Variants in SRGAP2 observed in about 807,000 individuals in gnomAD.
SRGAP2 encodes SLIT-ROBO Rho GTPase-activating protein 2.
SRGAP2 carries 15 observed loss-of-function variants against 57.2 expected under a neutral mutation model. The ratio of observed to expected loss-of-function variants is 0.26; its 90% CI spans 0.18 to 0.40. The LOEUF (loss-of-function observed/expected upper bound fraction) is 0.40. Ranked by LOEUF, SRGAP2 falls within the 10% of genes least tolerant of loss-of-function variation. The pLI is 1.00. For synonymous variants in SRGAP2, 249 were observed against 248.0 expected (o/e 1.00, Z -0.04); for missense variants, 520 against 669.6 (o/e 0.78, Z 2.47).
intron 4 of SRGAP2, among the ~76,000 whole-genome samples, chr1:206,383,666 T>A (rs1655918415): frequency 6.7e-6 from 1 of 148,830 alleles, no homozygotes; most frequent in Non-Finnish European, 1.5e-5. Context: ...AATGCTTGAC[T>A]GCAAGTATCT....
chr1:206,374,019 CTTTTTTTT>C (rs56021600), intron 4 of SRGAP2, among the ~76,000 whole-genome samples: 2 of 77,012 alleles, frequency 2.6e-5, no homozygotes. Context: ...GATACACATT[CTTTTTTTT>C]TTTTTTTTTT....
chr1:206,342,204 C>A (rs1185531818), intron 3 of SRGAP2, among the ~76,000 whole-genome samples: 1 of 151,960 alleles, frequency 6.6e-6, no homozygotes, highest in African/African-American at 2.4e-5. Flanking sequence ...GCATATGTCT[C>A]CAAATTTGCC....
chr1:206,459,915 C>T (rs1177029116), intron 22 of SRGAP2, among the ~76,000 whole-genome samples: 9 of 152,160 alleles, frequency 5.9e-5, no homozygotes, highest in Non-Finnish European at 7.3e-5. Flanking sequence ...ATCTGCCTTG[C>T]GCTACGGGAA....
chr1:206,426,530 T>C (rs994379842), intron 13 of SRGAP2, among the ~76,000 whole-genome samples: 1 of 152,226 alleles, frequency 6.6e-6, no homozygotes. Context: ...AGATCTACTT[T>C]TAGTTTCTTG....
At chr1:206,301,195 C>T (rs1444792160) in intron 2 of SRGAP2, among the ~76,000 whole-genome samples, 48 of 152,086 alleles carry the variant, frequency 3.2e-4, no homozygotes, top group Admixed American at 5.2e-4. Context: ...CCATGCCTGG[C>T]TAATTTTTTT....
Position 206,462,968 on chromosome 1 carries a change from C to T in SRGAP2, c.*1548C>T, listed in dbSNP as rs1343822950. On this transcript the variant is annotated 3_prime_UTR_variant, in exon 23 of 23. Transcript: ENST00000573034. ...TAAAGCTGAAACTCATCCTTCTTCT[C>T]TGTGTTTTCTGGTTTAAAAGCTGCA... 6.6e-6 allele frequency: 1 copy of T among 152,174 alleles called. No homozygotes were observed. The highest frequency in any genetic ancestry group is 2.4e-5 in the African/African-American group (1 of 41,428). 9.4% of individuals were successfully genotyped at this position (152,174 alleles called of 1,614,324 possible).
chr1:206,346,736 G>A (rs1257420222), intron 4 of SRGAP2, among the ~76,000 whole-genome samples: 9 of 152,032 alleles, frequency 5.9e-5, no homozygotes, highest in Admixed American at 4.6e-4. Context: ...ACTAGCAAAA[G>A]TCATTTTTAA....
chr1:206,361,150 G>A (rs1553340523), intron 4 of SRGAP2, among the ~76,000 whole-genome samples: 1 of 100,978 alleles, frequency 9.9e-6, no homozygotes, highest in Non-Finnish European at 2.0e-5. Flanking sequence ...AAGACTCAAT[G>A]ATGAGTTCTA....
At position 206,392,676 on chromosome 1, in the gene SRGAP2, C is replaced by A. The variant is rs374926719; in HGVS notation, c.487-13C>A. The A allele has an allele frequency of 5.3e-6, 4 of 750,284 alleles. No individual in the cohort carries two copies. The highest frequency in any genetic ancestry group is 9.9e-6 in the Non-Finnish European group (4 of 403,206). 46.5% of individuals were successfully genotyped at this position (750,284 alleles called of 1,614,324 possible). A position where few individuals can be genotyped will look rare whatever the true frequency, so the allele number is the denominator to read the frequency against. On this transcript the variant is annotated splice_polypyrimidine_tract_variant and intron_variant, in intron 5 of 22. Transcript: ENST00000573034. Reference sequence around the variant, plus strand: ...CTTGACCTCTGGGGGTGGGGGTGGGCGATGTCTTGCAGGTGATGAAGACAT... The same window carrying A: ...CTTGACCTCTGGGGGTGGGGGTGGGAGATGTCTTGCAGGTGATGAAGACAT...
intron 3 of SRGAP2, among the ~76,000 whole-genome samples, chr1:206,334,594 A>G (rs1475012557): frequency 2.6e-5 from 4 of 152,054 alleles, no homozygotes; most frequent in Non-Finnish European, 2.9e-5. Context: ...CTAAAGTACA[A>G]TTTGCTAGCC....
chr1:206,428,548 A>C (rs1269261244), intron 13 of SRGAP2, among the ~76,000 whole-genome samples: 1 of 152,152 alleles, frequency 6.6e-6, no homozygotes, highest in Non-Finnish European at 1.5e-5. Flanking sequence ...GGGTAGTGGC[A>C]AAGTGTTAGG....
intron 2 of SRGAP2, among the ~76,000 whole-genome samples, chr1:206,229,706 A>G (rs1383855103): frequency 1.3e-5 from 2 of 151,854 alleles, no homozygotes; most frequent in Non-Finnish European, 2.9e-5. Context: ...CAGAGACTCT[A>G]TTTGTACTTG....
rs782413990 is a variant in SRGAP2, at chr1:206,446,157, GAGGGCC to G, written c.1959_1964del (p.Glu653_His655delinsAsp). 1 of 780,950 alleles carries G rather than the reference GAGGGCC, an allele frequency of 1.3e-6. No individual in the cohort carries two copies. Among genetic ancestry groups the G allele is most frequent in the Non-Finnish European group, 2.4e-6 (1 of 418,004 alleles). 48.4% of individuals were successfully genotyped at this position (780,950 alleles called of 1,614,324 possible). ...CGGGCCCTCGCTAATGTCAGTGCCA[GAGGGCC>G]ACGACCAGGTGTCCTGCCAAGCCCA... is the stretch of plus-strand genomic sequence containing the variant. On this transcript the variant is annotated inframe_deletion, in exon 18 of 23. Transcript: ENST00000573034.
At chr1:206,346,628 G>T (rs551167693) in intron 4 of SRGAP2, among the ~76,000 whole-genome samples, 2,193 of 152,060 alleles carry the variant, frequency 0.014, 21 homozygotes, top group Middle Eastern at 0.024. Flanking sequence ...AGTGGCAAAA[G>T]GACCCATTTC....
intron 14 of SRGAP2, among the ~76,000 whole-genome samples, chr1:206,431,926 C>T (rs1661308986): frequency 6.6e-6 from 1 of 152,228 alleles, no homozygotes; most frequent in Admixed American, 6.5e-5. Context: ...TGCAGGAAGC[C>T]AGCGTAGCTG....
chr1:206,227,402 T>C (rs1459056544), intron 2 of SRGAP2, among the ~76,000 whole-genome samples: 1 of 152,158 alleles, frequency 6.6e-6, no homozygotes, highest in Non-Finnish European at 1.5e-5. Flanking sequence ...TCTTCTCAAC[T>C]GTAGACCTTC....
chr1:206,440,094 C>T lies in SRGAP2; in HGVS notation c.1874+13C>T, dbSNP rs782054177. On this transcript the variant is annotated intron_variant, in intron 17 of 22. Transcript: ENST00000573034. ...CCTTCCTCAATCAGTGAGTAGCCTT[C>T]CCAGTGAACAGCTGGATCAGGCTTT... The T allele has an allele frequency of 3.7e-5, 29 of 780,138 alleles. 1 individual carries two copies. The highest frequency in any genetic ancestry group is 6.5e-5 in the Non-Finnish European group (27 of 417,728). The allele number at this position is 780,138 out of a possible 1,614,324, so 48.3% of individuals were successfully genotyped here.
chr1:206,458,464 T>G lies in SRGAP2; in HGVS notation c.2508-159T>G, dbSNP rs1664013265. On this transcript the variant is annotated intron_variant, in intron 21 of 22. Coordinates refer to ENST00000573034, the MANE Select transcript of SRGAP2 (RefSeq NM_015326.5). ...TGGGGGTGGCAAGGGAATGAAGACA[T>G]GGAGAATGCAAGAGAAGATGAAGCC... The G allele has an allele frequency of 7.0e-6, 5 of 715,518 alleles. 1 individual carries two copies. The South Asian group carries it at 7.5e-5, about 11-fold the overall frequency. 44.3% of individuals were successfully genotyped at this position (715,518 alleles called of 1,614,324 possible).
chr1:206,453,561 C>T, intron 20 of SRGAP2, 181 bp downstream of exon 20: 2 of 351,436 alleles, frequency 5.7e-6, no homozygotes, highest in Non-Finnish European at 1.0e-5. Flanking sequence ...TCCCTGCACT[C>T]AGTGGAGAAT....
Sources: gnomAD v4.1 joint callset for allele counts (sites outside exome capture counted in the v4.1 genomes callset) on GRCh38, gnomAD v4.1.1 for gene constraint, MANE v1.5 for transcripts, NCBI Gene and HGNC (gene_info 2026-07-23, HGNC 2026-07-21) for gene names.